The following PARD3 variants were observed in gnomAD, a reference collection of about 807,000 sequenced individuals.
PARD3 encodes par-3 family cell polarity regulator.
A neutral mutation model predicts 155.4 loss-of-function variants in PARD3; 75 were observed. The observed-to-expected ratio is 0.48, with a 90% confidence interval of 0.40 to 0.58. The LOEUF is 0.58. PARD3 is among the 20% of genes least tolerant of loss of function. The probability of loss-of-function intolerance (pLI) is 0.00; values close to 1 mark genes in which losing one functional copy is unlikely to be tolerated. For synonymous variants in PARD3, 576 were observed against 610.5 expected (o/e 0.94, Z 0.83); for missense variants, 1,642 against 1,721.7 (o/e 0.95, Z 0.82).
intron 5 of PARD3, among the ~76,000 whole-genome samples, chr10:34,435,636 A>ATAG (rs1182475301): frequency 1.3e-5 from 2 of 152,238 alleles, no homozygotes; most frequent in African/African-American, 4.8e-5. Context: ...CGAGAAAAAC[A>ATAG]TAGTATGTTT....
intron 11 of PARD3, among the ~76,000 whole-genome samples, chr10:34,373,533 T>C (rs1840910943): frequency 6.6e-6 from 1 of 151,918 alleles, no homozygotes; most frequent in African/African-American, 2.4e-5. Context: ...GTTGTTTTTT[T>C]TTTTTAAGTG....
intron 3 of PARD3, among the ~76,000 whole-genome samples, chr10:34,474,560 G>A (rs979143688): frequency 3.3e-5 from 5 of 152,138 alleles, no homozygotes; most frequent in African/African-American, 1.2e-4. Flanking sequence ...CCACTTAAAC[G>A]GAGGGATCTG....
chr10:34,658,140 C>T (rs1301003462), intron 2 of PARD3, among the ~76,000 whole-genome samples: 1 of 147,070 alleles, frequency 6.8e-6, no homozygotes, highest in Non-Finnish European at 1.5e-5. Context: ...ATCAAGACTC[C>T]GTCTCAAAAA....
At chr10:34,114,615 G>A (rs927591273) in intron 24 of PARD3, among the ~76,000 whole-genome samples, 1 of 152,184 alleles carries the variant, frequency 6.6e-6, no homozygotes, top group Admixed American at 6.5e-5. Flanking sequence ...ATAGTCCTGG[G>A]ATTACAGGCA....
chr10:34,729,336 G>T (rs2094775268), intron 1 of PARD3, among the ~76,000 whole-genome samples: 1 of 152,030 alleles, frequency 6.6e-6, no homozygotes, highest in East Asian at 1.9e-4. Flanking sequence ...TTCAAAACCA[G>T]CCTGGCCAAC....
chr10:34,531,645 A>G (rs963962460), intron 2 of PARD3, among the ~76,000 whole-genome samples: 3 of 151,886 alleles, frequency 2.0e-5, no homozygotes, highest in Non-Finnish European at 2.9e-5. Context: ...GTTTTTTATA[A>G]TGGTCCCTAC....
chr10:34,729,819 G>A lies in PARD3; in HGVS notation c.121-33400C>T, dbSNP rs370347533. Among the ~76,000 whole-genome samples, 7 of 152,240 alleles carry A rather than the reference G, an allele frequency of 4.6e-5. No individual in the cohort carries two copies. In the South Asian group the frequency reaches 1.5e-3, roughly 32 times the overall value. On this transcript the variant is annotated intron_variant, in intron 1 of 24. Coordinates refer to ENST00000374788, the MANE Select transcript of PARD3 (RefSeq NM_001184785.2). ...CTGACCATGGTCCAAGGAGTTCCTT[G>A]TACTTCACTCCTGGCTGTTGTGTAC...
chr10:34,589,768 T>C (rs1015568456), intron 2 of PARD3, among the ~76,000 whole-genome samples: 3 of 6,314 alleles, frequency 4.8e-4, no homozygotes, highest in Admixed American at 1.8e-3. Flanking sequence ...GGTGGGTGGG[T>C]GGGGGGCTGT....
intron 2 of PARD3, among the ~76,000 whole-genome samples, chr10:34,530,885 C>A (rs945913948): frequency 6.6e-6 from 1 of 152,180 alleles, no homozygotes; most frequent in African/African-American, 2.4e-5. Context: ...GCCTTGAACT[C>A]CTGGGGCTCT....
intron 2 of PARD3, among the ~76,000 whole-genome samples, chr10:34,602,192 C>T (rs755914673): frequency 3.3e-5 from 5 of 152,152 alleles, no homozygotes; most frequent in African/African-American, 4.8e-5. Context: ...GAAACTGCAA[C>T]GCTGTTATTC....
At chr10:34,569,646 T>C (rs934142783) in intron 2 of PARD3, among the ~76,000 whole-genome samples, 1 of 152,116 alleles carries the variant, frequency 6.6e-6, no homozygotes, top group Admixed American at 6.6e-5. Flanking sequence ...CTCCATCTCC[T>C]GATCTCGTGA....
intron 22 of PARD3, among the ~76,000 whole-genome samples, chr10:34,144,692 TCTTACAC>T (rs1948369135): frequency 6.6e-6 from 1 of 152,218 alleles, no homozygotes. Flanking sequence ...GCATTAGCTC[TCTTACAC>T]TCAAATCCAA....
chr10:34,306,212 C>T (rs1197193801), intron 20 of PARD3, among the ~76,000 whole-genome samples: 1 of 120,096 alleles, frequency 8.3e-6, no homozygotes, highest in South Asian at 3.3e-4. Context: ...ACCCAGGAGG[C>T]AGAGGTTGCA....
chr10:34,712,658 C>T (rs1392638269), intron 1 of PARD3, among the ~76,000 whole-genome samples: 1 of 152,064 alleles, frequency 6.6e-6, no homozygotes. Context: ...AGAAGTTTGC[C>T]AAGGTGACAC....
At chr10:34,728,410 A>T (rs570415668) in intron 1 of PARD3, among the ~76,000 whole-genome samples, 12 of 152,324 alleles carry the variant, frequency 7.9e-5, no homozygotes, top group African/African-American at 2.9e-4. Flanking sequence ...CTAGTCCCAC[A>T]TCTTGAATAC....
intron 4 of PARD3, among the ~76,000 whole-genome samples, chr10:34,451,783 T>TTTTTTTTTTTTTTTTTTTTTTG: frequency 6.6e-6 from 1 of 151,288 alleles, no homozygotes. Flanking sequence ...GTTTTTTTTT[T>TTTTTTTTTTTTTTTTTTTTTTG]TTTTTTAATA....
Position 34,382,893 on chromosome 10 carries a change from C to T in PARD3, c.1046G>A (p.Arg349His), listed in dbSNP as rs199923448. ...CACATGGAACCAAATGATGGGTGTA[C>T]GCATGGCTTGGCGAAACATATGTTG... Reference protein sequence around the residue: ...QAQHMFRQAMRTPIIWFHVVP... With the variant: ...QAQHMFRQAMHTPIIWFHVVP... The change falls in exon 9 of 25, where the codon CGT (arginine) becomes CAT (histidine). Residue 349 changes from arginine to histidine, a missense_variant. This residue lies in a region of PARD3 where 1,529 missense variants were observed against 1,587.3 expected (regional missense o/e 0.96). Transcript: ENST00000374788. The T allele has an allele frequency of 1.2e-4, 192 of 1,613,990 alleles. No individual in the cohort carries two copies. In the East Asian group the frequency reaches 3.7e-3, roughly 31 times the overall value.
At chr10:34,370,642 C>T (rs1448988699) in intron 12 of PARD3, among the ~76,000 whole-genome samples, 1 of 152,082 alleles carries the variant, frequency 6.6e-6, no homozygotes, top group East Asian at 1.9e-4. Context: ...TTGTCTCAGA[C>T]ATTAATAGAT....
chr10:34,635,421 G>A (rs989667755), intron 2 of PARD3, among the ~76,000 whole-genome samples: 1 of 152,196 alleles, frequency 6.6e-6, no homozygotes, highest in Non-Finnish European at 1.5e-5. Context: ...TTCCCCACAT[G>A]GGAAAGTTTC....
Sources: allele counts gnomAD v4.1 joint callset (sites outside exome capture counted in the v4.1 genomes callset), GRCh38; gene constraint gnomAD v4.1.1; regional missense constraint gnomAD v4.1.1; transcripts MANE v1.5; gene names NCBI Gene and HGNC (gene_info 2026-07-23, HGNC 2026-07-21).